HECA: variants seen among roughly 807,000 people sequenced by gnomAD.
HECA encodes the protein HECA ribonucleoprotein granule regulator, also known as headcase protein homolog.
In HECA, 13 loss-of-function variants were observed where a neutral mutation model predicts 37.6. That is an observed-to-expected ratio of 0.35 (90% confidence interval 0.23 to 0.55). The LOEUF (loss-of-function observed/expected upper bound fraction) is 0.55, where lower values mean the gene tolerates loss of function less well. HECA is among the 20% of genes least tolerant of loss of function. The probability of loss-of-function intolerance (pLI) is 0.90; values close to 1 mark genes in which losing one functional copy is unlikely to be tolerated. For synonymous variants in HECA, 307 were observed against 291.5 expected (o/e 1.05, Z -0.54); for missense variants, 527 against 701.9 (o/e 0.75, Z 2.82).
intron 1 of HECA, among the ~76,000 whole-genome samples, chr6:139,142,838 C>T (rs774156045): frequency 6.6e-6 from 1 of 152,200 alleles, no homozygotes; most frequent in African/African-American, 2.4e-5. Flanking sequence ...ATCTCAGCTA[C>T]TCAGGAGGCT....
intron 2 of HECA, among the ~76,000 whole-genome samples, chr6:139,167,963 C>T (rs1774916453): frequency 6.6e-6 from 1 of 152,132 alleles, no homozygotes; most frequent in Non-Finnish European, 1.5e-5. Flanking sequence ...TCTGTCAGTT[C>T]ATGTACAACT....
At chr6:139,135,804 G>A in intron 1 of HECA, 137 bp downstream of exon 1, 1 of 263,848 alleles carries the variant, frequency 3.8e-6, no homozygotes, top group Non-Finnish European at 5.9e-6. Context: ...CCGCCCCGCC[G>A]CGGCTGCCCC....
intron 1 of HECA, among the ~76,000 whole-genome samples, chr6:139,150,665 T>G (rs1233238639): frequency 6.6e-6 from 1 of 151,892 alleles, no homozygotes; most frequent in East Asian, 1.9e-4. Context: ...AAGTTTTAGA[T>G]TTTTTTGGTA....
intron 1 of HECA, among the ~76,000 whole-genome samples, chr6:139,152,581 G>A (rs1433049317): frequency 6.6e-6 from 1 of 152,122 alleles, no homozygotes; most frequent in African/African-American, 2.4e-5. Context: ...TTTGGAGCAG[G>A]TTCACACACT....
intron 2 of HECA, 89 bp downstream of exon 2, chr6:139,167,413 C>G: frequency 8.8e-7 from 1 of 1,133,556 alleles, no homozygotes; most frequent in East Asian, 2.4e-5. Flanking sequence ...GTGTAGTTTT[C>G]ACCAGTGTTG....
At chr6:139,157,916 C>A (rs1244268807) in intron 1 of HECA, among the ~76,000 whole-genome samples, 1 of 152,186 alleles carries the variant, frequency 6.6e-6, no homozygotes, top group Non-Finnish European at 1.5e-5. Context: ...TCCTGGTGGG[C>A]TCGGCCAGCC....
chr6:139,142,966 G>A (rs2114437342), intron 1 of HECA, among the ~76,000 whole-genome samples: 1 of 152,260 alleles, frequency 6.6e-6, no homozygotes, highest in South Asian at 2.1e-4. Context: ...AGTAATAATG[G>A]TAGATGATAT....
Position 139,166,634 on chromosome 6 carries a change from G to A in HECA, c.622G>A (p.Glu208Lys). The A allele has an allele frequency of 6.2e-7, 1 of 1,614,170 alleles. No individual in the cohort carries two copies. Among genetic ancestry groups the A allele is most frequent in the Non-Finnish European group, 8.5e-7 (1 of 1,180,036 alleles). ...QDEKKKKSGS[E>K]KNTGRPPGEA... Reference sequence around the variant, plus strand: ...CGAGAAAAAGAAGAAGTCTGGCTCCGAGAAGAACACAGGGAGGCCTCCTGG... The same window carrying A: ...CGAGAAAAAGAAGAAGTCTGGCTCCAAGAAGAACACAGGGAGGCCTCCTGG... The change falls in exon 2 of 4, where the codon GAG (glutamate) becomes AAG (lysine). Residue 208 changes from glutamate to lysine, a missense_variant. By Grantham distance (56) the Glu-to-Lys change is moderately conservative. This residue lies in a region of HECA where 228 missense variants were observed against 259.8 expected (regional missense o/e 0.88). Coordinates refer to ENST00000367658, the MANE Select transcript of HECA (RefSeq NM_016217.3).
At chr6:139,138,000 G>A (rs992074480) in intron 1 of HECA, among the ~76,000 whole-genome samples, 1 of 152,168 alleles carries the variant, frequency 6.6e-6, no homozygotes, top group African/African-American at 2.4e-5. Flanking sequence ...TGTTTCTGAA[G>A]TGATGTGAAG....
intron 2 of HECA, among the ~76,000 whole-genome samples, chr6:139,172,705 G>A (rs1246935702): frequency 6.6e-6 from 1 of 152,196 alleles, no homozygotes; most frequent in East Asian, 1.9e-4. Context: ...GAGTTTGCCT[G>A]TAGGTTACGG....
chr6:139,164,942 C>A (rs1774862572), intron 1 of HECA, among the ~76,000 whole-genome samples: 1 of 152,198 alleles, frequency 6.6e-6, no homozygotes, highest in Non-Finnish European at 1.5e-5. Flanking sequence ...GCCCCTTCCA[C>A]CTCTGGCCAC....
intron 2 of HECA, among the ~76,000 whole-genome samples, 166 bp from the exon 3 acceptor site, chr6:139,174,219 T>C (rs1775019657): frequency 6.6e-6 from 1 of 152,250 alleles, no homozygotes. Context: ...AATTCATCAT[T>C]ATCCTGAAAG....
rs1775103154 is a variant in HECA, at chr6:139,179,448, C to T, written c.*2343C>T. The T allele has an allele frequency of 6.6e-6, 1 of 152,048 alleles. No individual in the cohort carries two copies. The highest frequency in any genetic ancestry group is 1.5e-5 in the Non-Finnish European group (1 of 68,018). The allele number at this position is 152,048 out of a possible 1,614,324, so 9.4% of individuals were successfully genotyped here. A position where few individuals can be genotyped will look rare whatever the true frequency, so the allele number is the denominator to read the frequency against. On this transcript the variant is annotated 3_prime_UTR_variant, in exon 4 of 4. Transcript: ENST00000367658. The stretch of plus-strand genomic sequence containing the variant: ...GTTGCCTTTTTAGATGGCTTTCTAC[C>T]CCCTGAACAATAAATAGGATGAGGT...
intron 1 of HECA, among the ~76,000 whole-genome samples, chr6:139,141,918 A>C: frequency 9.5e-6 from 1 of 105,748 alleles, no homozygotes; most frequent in Non-Finnish European, 1.8e-5. Flanking sequence ...ATGCCCAGCT[A>C]ATTTTTTTTT....
At chr6:139,170,402 G>C (rs1259590767) in intron 2 of HECA, 2 of 152,144 alleles carry the variant, frequency 1.3e-5, no homozygotes, top group Non-Finnish European at 2.9e-5. Flanking sequence ...TATCATACCT[G>C]GATATGATGT....
intron 1 of HECA, chr6:139,155,581 T>G (rs902085706): frequency 2.0e-5 from 3 of 152,198 alleles, no homozygotes; most frequent in African/African-American, 7.2e-5. Context: ...CACGTACATA[T>G]ACACACACAT....
At chr6:139,152,738 CTTTATT>C (rs1236053243) in intron 1 of HECA, among the ~76,000 whole-genome samples, 2 of 151,888 alleles carry the variant, frequency 1.3e-5, no homozygotes, top group African/African-American at 4.8e-5. Flanking sequence ...TGCTTAGTGT[CTTTATT>C]TTTAGTAGAA....
intron 1 of HECA, among the ~76,000 whole-genome samples, chr6:139,162,392 A>G (rs1440748410): frequency 6.6e-6 from 1 of 152,226 alleles, no homozygotes; most frequent in Non-Finnish European, 1.5e-5. Context: ...CATTTAAGGT[A>G]CATTCTGTTG....
Position 139,135,460 on chromosome 6 carries a change from G to T in HECA, c.64G>T (p.Glu22Ter). The T allele has an allele frequency of 1.5e-6, 2 of 1,338,822 alleles. No individual in the cohort carries two copies. The allele number at this position is 1,338,822 out of a possible 1,614,324, so 82.9% of individuals were successfully genotyped here. The change falls in exon 1 of 4, where the codon GAG (glutamate) becomes TAG (stop). Residue 22 changes from glutamate (E) to a stop codon, truncating the protein, a stop_gained. Transcript: ENST00000367658. LOFTEE classifies it high-confidence loss of function. ...KNKRANSSGD[E>*]QENGAGALAA... ...CAAGCGCGCCAACAGCAGCGGCGAC[G>T]AGCAGGAAAATGGAGCCGGGGCCCT...
Sources: gnomAD v4.1 joint callset for allele counts (sites outside exome capture counted in the v4.1 genomes callset) on GRCh38, gnomAD v4.1.1 for gene constraint, gnomAD v4.1.1 regional missense constraint, MANE v1.5 for transcripts, NCBI Gene and HGNC (gene_info 2026-07-23, HGNC 2026-07-21) for gene names.